Variants in NWD2 observed in about 807,000 individuals in gnomAD.
NWD2 encodes NACHT and WD repeat domain-containing protein 2.
In NWD2, 37 loss-of-function variants were observed where a neutral mutation model predicts 132.7. That is an observed-to-expected ratio of 0.28 (90% CI 0.21 to 0.37). The LOEUF is 0.37. NWD2 is among the 10% of genes least tolerant of loss of function. The pLI, the probability that NWD2 is intolerant of heterozygous loss-of-function variation, is 1.00. For synonymous variants in NWD2, 705 were observed against 803.0 expected, an observed-to-expected ratio of 0.88 and a Z score of 2.06; for missense variants, 1,592 against 2,122.4, an observed-to-expected ratio of 0.75 and a Z score of 4.91.
intron 5 of NWD2, among the ~76,000 whole-genome samples, chr4:37,437,059 G>A (rs867265583): frequency 1.3e-5 from 2 of 151,972 alleles, no homozygotes; most frequent in African/African-American, 4.8e-5. Flanking sequence ...GAGTTCCACC[G>A]AAAGGAACCA....
At position 37,438,604 on chromosome 4, in the gene NWD2, TGTAAAAC is replaced by T. The variant is rs1238280731; in HGVS notation, c.707-196_707-190del. ...TTGGGGAGAAAATTAGATAATTTTA[TGTAAAAC>T]CTGTTCTCCCGGGTTGCTGGCTGAT... On this transcript the variant is annotated intron_variant, in intron 5 of 6. Transcript: ENST00000309447. Among the ~76,000 whole-genome samples, 13 of 152,356 alleles carry T rather than the reference TGTAAAAC, an allele frequency of 8.5e-5. No homozygotes were observed. In the East Asian group the frequency reaches 2.5e-3, roughly 29 times the overall value.
chr4:37,390,754 A>G (rs1468264231), intron 3 of NWD2, among the ~76,000 whole-genome samples: 1 of 152,192 alleles, frequency 6.6e-6, no homozygotes, highest in Non-Finnish European at 1.5e-5. Context: ...TGACTTGCCA[A>G]AAGTCATACT....
intron 1 of NWD2, 127 bp downstream of exon 1, chr4:37,245,345 C>T: frequency 2.7e-6 from 3 of 1,128,618 alleles, no homozygotes; most frequent in Non-Finnish European, 3.6e-6. Flanking sequence ...AAGCCGTGGC[C>T]GCCCTGAGCG....
At chr4:37,344,162 A>G (rs1287667540) in intron 2 of NWD2, among the ~76,000 whole-genome samples, 1 of 152,176 alleles carries the variant, frequency 6.6e-6, no homozygotes, top group Non-Finnish European at 1.5e-5. Context: ...GCTAAACTTA[A>G]TTTTTTAAAG....
chr4:37,262,205 T>C (rs1577647493), intron 1 of NWD2, among the ~76,000 whole-genome samples: 1 of 152,182 alleles, frequency 6.6e-6, no homozygotes, highest in African/African-American at 2.4e-5. Context: ...TGTTATCTCA[T>C]TGTAATTCAT....
At chr4:37,255,447 C>A (rs7674779) in intron 1 of NWD2, among the ~76,000 whole-genome samples, 41,472 of 152,034 alleles carry the variant, frequency 0.27, 5,788 homozygotes, top group Non-Finnish European at 0.29. Context: ...AAAGGGAAAG[C>A]ATCTGATACC....
intron 5 of NWD2, among the ~76,000 whole-genome samples, chr4:37,434,618 G>A (rs1405992133): frequency 6.6e-6 from 1 of 152,066 alleles, no homozygotes; most frequent in East Asian, 1.9e-4. Context: ...AAAAGGAGAG[G>A]ACTTTGGACC....
chr4:37,254,374 A>T (rs546051200), intron 1 of NWD2, among the ~76,000 whole-genome samples: 2 of 152,338 alleles, frequency 1.3e-5, no homozygotes, highest in South Asian at 4.1e-4. Context: ...GCTGCAGAAG[A>T]TCTGTAATAC....
chr4:37,317,914 T>C (rs1186933335), intron 1 of NWD2, among the ~76,000 whole-genome samples: 1 of 152,230 alleles, frequency 6.6e-6, no homozygotes, highest in Non-Finnish European at 1.5e-5. Flanking sequence ...TTTTTTACTT[T>C]GGTTTAGTTA....
chr4:37,423,632 C>T (rs1711893936), intron 3 of NWD2, among the ~76,000 whole-genome samples: 1 of 152,216 alleles, frequency 6.6e-6, no homozygotes, highest in Admixed American at 6.5e-5. Flanking sequence ...TTCAGGCCCT[C>T]AATGGATTGC....
At chr4:37,282,863 T>G (rs755439058) in intron 1 of NWD2, among the ~76,000 whole-genome samples, 1 of 152,208 alleles carries the variant, frequency 6.6e-6, no homozygotes, top group Non-Finnish European at 1.5e-5. Context: ...AATCAACTGA[T>G]AGATGGAAAT....
intron 1 of NWD2, among the ~76,000 whole-genome samples, chr4:37,293,125 G>T (rs1278035963): frequency 1.3e-5 from 2 of 152,162 alleles, no homozygotes; most frequent in Admixed American, 1.3e-4. Context: ...TCAACAAAAT[G>T]TTTTATTTAA....
intron 3 of NWD2, among the ~76,000 whole-genome samples, chr4:37,367,259 G>A (rs1053688073): frequency 2.0e-5 from 3 of 151,984 alleles, no homozygotes; most frequent in Non-Finnish European, 4.4e-5. Context: ...AATCACAAGG[G>A]AAATCTAAAA....
At chr4:37,333,067 C>T (rs1719327100) in intron 2 of NWD2, among the ~76,000 whole-genome samples, 1 of 152,130 alleles carries the variant, frequency 6.6e-6, no homozygotes, top group African/African-American at 2.4e-5. Flanking sequence ...TCAGCTCAGC[C>T]ACAGTAGAAT....
chr4:37,426,041 G>C (rs1712000469), intron 3 of NWD2, among the ~76,000 whole-genome samples: 1 of 152,220 alleles, frequency 6.6e-6, no homozygotes, highest in Non-Finnish European at 1.5e-5. Context: ...TTGCAACTGA[G>C]TTGGACTGCC....
intron 1 of NWD2, among the ~76,000 whole-genome samples, chr4:37,305,670 A>G (rs900251378): frequency 1.3e-5 from 2 of 152,208 alleles, no homozygotes; most frequent in African/African-American, 4.8e-5. Context: ...TCCTTGGGAT[A>G]AATCCTAGTT....
In NWD2 at chr4:37,444,983, C is replaced by T. The variant is rs1050006245; in HGVS notation, c.2995C>T (p.Arg999Ter). Residue 999 changes from arginine to a stop codon, truncating the protein, a stop_gained, in exon 7 of 7, where the codon CGA becomes TGA. Transcript: ENST00000309447. LOFTEE classifies it high-confidence loss of function. This position sits in a 1 kb window ranked among gnomAD's most constrained non-coding sequence, Gnocchi z 4.8. The stretch of plus-strand genomic sequence containing the variant: ...CATCAGCACCTGGGATGTAGAGACT[C>T]GACAGCTACTCAGGCAAATCACCAC... The part of the protein sequence containing the change: ...GSISTWDVET[R>*]QLLRQITTAQ... The T allele has an allele frequency of 6.4e-7, 1 of 1,551,978 alleles. No homozygotes were observed. Among genetic ancestry groups the T allele is most frequent in the African/African-American group, 1.4e-5 (1 of 73,154 alleles).
intron 1 of NWD2, among the ~76,000 whole-genome samples, chr4:37,308,142 T>G (rs1285344438): frequency 1.3e-5 from 2 of 152,240 alleles, no homozygotes. Context: ...ATTATTTGGA[T>G]CCTTTTGAGG....
In NWD2 at chr4:37,439,138, G is replaced by C; in HGVS notation, c.1044G>C (p.Glu348Asp). ...AAGGACTTGGTAAACAATTTTATGA[G>C]GACATGATTGATATAATTCAGGCAA... ...YIEGLGKQFYEDMIDIIQATI... is the reference protein window; with the variant it reads ...YIEGLGKQFYDDMIDIIQATI... The change falls in exon 6 of 7, where the codon GAG becomes GAC. Residue 348 changes from glutamate to aspartate, a missense_variant. By Grantham distance (45) the Glu-to-Asp change is conservative. Around this residue, in one of 7 missense-constraint regions of NWD2, gnomAD observed 1,071 missense variants for 1,398.0 expected, o/e 0.77. Coordinates refer to ENST00000309447, the MANE Select transcript of NWD2 (RefSeq NM_001144990.2). This position sits in a 1 kb window ranked among gnomAD's most constrained non-coding sequence, Gnocchi z 4.5. The C allele has an allele frequency of 6.4e-7, 1 of 1,551,400 alleles. No individual in the cohort carries two copies. Among genetic ancestry groups the C allele is most frequent in the Non-Finnish European group, 8.7e-7 (1 of 1,146,850 alleles).
Sources: allele counts gnomAD v4.1 joint callset (sites outside exome capture counted in the v4.1 genomes callset), GRCh38; gene constraint gnomAD v4.1.1; regional missense constraint gnomAD v4.1.1; non-coding constraint Gnocchi (gnomAD v3.1); transcripts MANE v1.5; gene names NCBI Gene and HGNC (gene_info 2026-07-23, HGNC 2026-07-21).